Variants in NCMAP observed in about 807,000 individuals in gnomAD.
NCMAP encodes the protein noncompact myelin-associated protein.
Under a neutral mutation model 7.8 loss-of-function variants are expected in NCMAP, and 8 were observed. The ratio of observed to expected loss-of-function variants is 1.02; its 90% CI spans 0.60 to 1.84. The LOEUF (loss-of-function observed/expected upper bound fraction) is 1.84, where lower values mean the gene tolerates loss of function less well. Among genes scored for constraint, NCMAP ranks in the 40% most tolerant of loss-of-function variants. The pLI is 0.00. For synonymous variants in NCMAP, 41 were observed against 52.9 expected (o/e 0.78, Z 0.98); for missense variants, 112 against 131.4 (o/e 0.85, Z 0.72).
rs1445632631 is a variant in NCMAP, at chr1:24,576,357, G to A, written c.-7-19067G>A. 6.6e-6 allele frequency among the ~76,000 whole-genome samples: 1 copy of A among 152,142 alleles called. No individual in the cohort carries two copies. The highest frequency in any genetic ancestry group is 1.5e-5 in the Non-Finnish European group (1 of 68,024). ...AGACAAACGCCCCTCTGTATCTTTG[G>A]GCCTATTGTGACTGGCCACTGGCCA... is the stretch of plus-strand genomic sequence containing the variant. On this transcript the variant is annotated intron_variant, in intron 1 of 3. Transcript: ENST00000374392. The surrounding 1 kb of genome is among the most constrained non-coding windows in gnomAD (Gnocchi z 4.0).
At chr1:24,598,172 C>T (rs1652326696) in intron 2 of NCMAP, among the ~76,000 whole-genome samples, 1 of 152,252 alleles carries the variant, frequency 6.6e-6, no homozygotes, top group Admixed American at 6.5e-5. Context: ...CTCTCTGCTT[C>T]TTCCCTTCCA....
chr1:24,579,746 G>A (rs1015744586), intron 1 of NCMAP, among the ~76,000 whole-genome samples: 4 of 152,104 alleles, frequency 2.6e-5, no homozygotes, highest in Non-Finnish European at 4.4e-5. Context: ...AATAAATAAG[G>A]AAACAAAAAT....
At chr1:24,568,746 C>A (rs532833043) in intron 1 of NCMAP, among the ~76,000 whole-genome samples, 1 of 152,284 alleles carries the variant, frequency 6.6e-6, no homozygotes, top group Non-Finnish European at 1.5e-5. Flanking sequence ...TCAAGCATCT[C>A]AAACTGAATC....
intron 3 of NCMAP, among the ~76,000 whole-genome samples, chr1:24,604,896 C>T (rs1652667232): frequency 6.6e-6 from 1 of 151,120 alleles, no homozygotes; most frequent in African/African-American, 2.4e-5. Flanking sequence ...GGGTGGATCA[C>T]CTGAGGTCAG....
chr1:24,568,923 C>G (rs758029086), intron 1 of NCMAP, among the ~76,000 whole-genome samples: 97 of 152,170 alleles, frequency 6.4e-4, no homozygotes, highest in Non-Finnish European at 1.3e-3. Flanking sequence ...ATACCCGGCT[C>G]ATAATGTAGG....
intron 1 of NCMAP, among the ~76,000 whole-genome samples, chr1:24,577,483 C>T (rs1310427120): frequency 7.0e-6 from 1 of 142,804 alleles, no homozygotes; most frequent in Non-Finnish European, 1.5e-5. Context: ...CTACGTTGCC[C>T]AGGCTGGCCT....
intron 1 of NCMAP, among the ~76,000 whole-genome samples, chr1:24,557,756 C>T (rs1021661407): frequency 2.0e-5 from 3 of 152,186 alleles, no homozygotes; most frequent in African/African-American, 7.2e-5. Flanking sequence ...TTCACCTTGT[C>T]CCTGCTGGGC....
intron 1 of NCMAP, among the ~76,000 whole-genome samples, chr1:24,579,462 T>G (rs567970939): frequency 2.6e-5 from 4 of 151,908 alleles, no homozygotes; most frequent in Non-Finnish European, 5.9e-5. Flanking sequence ...AGGCTGGGGG[T>G]GGTGGCTCAT....
At chr1:24,573,543 G>A (rs1054210373) in intron 1 of NCMAP, among the ~76,000 whole-genome samples, 3 of 150,498 alleles carry the variant, frequency 2.0e-5, no homozygotes, top group Non-Finnish European at 4.4e-5. Flanking sequence ...AGCTAAGATC[G>A]CACCATTGCA....
chr1:24,575,590 G>A (rs1220433559), intron 1 of NCMAP, among the ~76,000 whole-genome samples: 1 of 152,180 alleles, frequency 6.6e-6, no homozygotes, highest in East Asian at 1.9e-4. Context: ...CTTGGCATTT[G>A]CAAGCTCATC....
At chr1:24,557,797 G>C (rs544573468) in intron 1 of NCMAP, among the ~76,000 whole-genome samples, 1 of 152,296 alleles carries the variant, frequency 6.6e-6, no homozygotes, top group East Asian at 1.9e-4. Context: ...GATGAGCTGT[G>C]GGGAGGCAGC....
chr1:24,577,060 T>G (rs1453190449), intron 1 of NCMAP, among the ~76,000 whole-genome samples: 2 of 151,778 alleles, frequency 1.3e-5, no homozygotes, highest in African/African-American at 4.8e-5. Context: ...ATCACATGAA[T>G]CCAGGAGGTA....
In NCMAP at chr1:24,585,525, G is replaced by A. The variant is rs567807926; in HGVS notation, c.-7-9899G>A. ...ACTGGTTCTTGTGAAGCTATGAACAGTTCCATGTAACAGAATCACTGGTTG... is the reference window on the plus strand; with the variant it reads ...ACTGGTTCTTGTGAAGCTATGAACAATTCCATGTAACAGAATCACTGGTTG... On this transcript the variant is annotated intron_variant, in intron 1 of 3. Coordinates refer to ENST00000374392, the MANE Select transcript of NCMAP (RefSeq NM_001010980.5). 2.6e-5 allele frequency among the ~76,000 whole-genome samples: 4 copies of A among 152,310 alleles called. No individual in the cohort carries two copies. The South Asian group carries it at 8.3e-4, about 32-fold the overall frequency.
intron 1 of NCMAP, among the ~76,000 whole-genome samples, chr1:24,561,263 C>T (rs1651041972): frequency 6.6e-6 from 1 of 151,366 alleles, no homozygotes; most frequent in South Asian, 2.1e-4. Flanking sequence ...AGGAGAATCA[C>T]TTGAATGGGG....
intron 2 of NCMAP, among the ~76,000 whole-genome samples, chr1:24,598,212 G>C (rs1324072409): frequency 6.6e-6 from 1 of 152,126 alleles, no homozygotes; most frequent in African/African-American, 2.4e-5. Flanking sequence ...TTTGCACACG[G>C]TTGTTTGCTT....
intron 2 of NCMAP, among the ~76,000 whole-genome samples, chr1:24,599,819 G>C (rs1342246782): frequency 1.5e-3 from 73 of 47,784 alleles, no homozygotes; most frequent in Admixed American, 2.1e-3. Flanking sequence ...CTCGTGATCC[G>C]CCCCCCCCCC....
At chr1:24,581,786 C>T (rs1651753701) in intron 1 of NCMAP, among the ~76,000 whole-genome samples, 1 of 152,184 alleles carries the variant, frequency 6.6e-6, no homozygotes, top group South Asian at 2.1e-4. Context: ...AAAGTCCTTA[C>T]AAGACCAAAG....
intron 1 of NCMAP, among the ~76,000 whole-genome samples, chr1:24,563,063 G>C (rs1052244928): frequency 6.6e-6 from 1 of 152,248 alleles, no homozygotes; most frequent in Non-Finnish European, 1.5e-5. Flanking sequence ...AACCACATAT[G>C]CCATTCAGAG....
rs200666100 is a variant in NCMAP at position 24,606,996 on chromosome 1, CT to C, written c.*1265del. On this transcript the variant is annotated 3_prime_UTR_variant, in exon 4 of 4. Transcript: ENST00000374392. Reference sequence around the variant, plus strand: ...TTCTTTTTCTTTTCTTTTTTCTTTTCTTTTTTTTTTTTTTTTGAGACAGAGC... The same window carrying C: ...TTCTTTTTCTTTTCTTTTTTCTTTTCTTTTTTTTTTTTTTTGAGACAGAGC... 271 of 126,318 alleles carry C rather than the reference CT, an allele frequency of 2.1e-3. No individual in the cohort carries two copies. The highest frequency in any genetic ancestry group is 9.2e-3 in the East Asian group (44 of 4,808). 7.8% of individuals were successfully genotyped at this position (126,318 alleles called of 1,614,324 possible). A position where few individuals can be genotyped will look rare whatever the true frequency, so the allele number is the denominator to read the frequency against.
Sources: gnomAD v4.1 joint callset for allele counts (sites outside exome capture counted in the v4.1 genomes callset) on GRCh38, gnomAD v4.1.1 for gene constraint, Gnocchi (gnomAD v3.1) non-coding constraint, MANE v1.5 for transcripts, NCBI Gene and HGNC (gene_info 2026-07-23, HGNC 2026-07-21) for gene names.